The following GBP6 variants were observed in gnomAD, a reference collection of about 807,000 sequenced individuals.
The protein encoded by GBP6 is guanylate-binding protein 6.
GBP6 carries 54 observed loss-of-function variants against 61.5 expected under a neutral mutation model. The ratio of observed to expected loss-of-function variants is 0.88; its 90% CI spans 0.71 to 1.10. The LOEUF is 1.10. Among genes scored for constraint, GBP6 ranks in the 50% least tolerant of loss-of-function variants. The probability of loss-of-function intolerance (pLI) is 0.00; values close to 1 mark genes in which losing one functional copy is unlikely to be tolerated. For synonymous variants in GBP6, 255 were observed against 273.7 expected, an observed-to-expected ratio of 0.93 and a Z score of 0.67; for missense variants, 748 against 752.8, an observed-to-expected ratio of 0.99 and a Z score of 0.07.
At position 89,382,701 on chromosome 1, in the gene GBP6, A is replaced by G; in HGVS notation, c.1190A>G (p.Gln397Arg). 1 of 1,614,190 alleles carries G rather than the reference A, an allele frequency of 6.2e-7. No individual in the cohort carries two copies. The highest frequency in any genetic ancestry group is 8.5e-7 in the Non-Finnish European group (1 of 1,180,010). Residue 397 changes from glutamine to arginine, a missense_variant, in exon 8 of 11, where the codon CAG becomes CGG. Gln to Arg is a conservative substitution (Grantham distance 43). Transcript: ENST00000370456. ...TMNKKGDFLL[Q>R]NEESSVQYCQ... Reference sequence around the variant, plus strand: ...AATAAGAAGGGGGATTTCTTGCTGCAGAATGAAGAGTCATCTGTTCAATAC... The same window carrying G: ...AATAAGAAGGGGGATTTCTTGCTGCGGAATGAAGAGTCATCTGTTCAATAC...
chr1:89,373,499 G>T (rs914623141), intron 3 of GBP6, among the ~76,000 whole-genome samples: 3 of 152,270 alleles, frequency 2.0e-5, no homozygotes, highest in African/African-American at 7.2e-5. Context: ...AAAATGATGA[G>T]TTCATGTCCT....
At chr1:89,377,272 G>C (rs570238679) in intron 3 of GBP6, among the ~76,000 whole-genome samples, 5 of 152,220 alleles carry the variant, frequency 3.3e-5, no homozygotes, top group African/African-American at 1.2e-4. Flanking sequence ...CTTACCCTCT[G>C]CTCAGTCAGG....
chr1:89,382,265 CAT>C (rs977345027), intron 7 of GBP6, among the ~76,000 whole-genome samples: 2 of 152,188 alleles, frequency 1.3e-5, no homozygotes, highest in African/African-American at 2.4e-5. Context: ...TTTTTCTGTG[CAT>C]AGTTTACCTT....
At chr1:89,371,524 A>G (rs547128547) in intron 3 of GBP6, among the ~76,000 whole-genome samples, 3 of 152,336 alleles carry the variant, frequency 2.0e-5, no homozygotes, top group Admixed American at 2.0e-4. Context: ...CAAATCAATA[A>G]ACATAATCCA....
At chr1:89,377,397 C>T (rs894133289) in intron 3 of GBP6, among the ~76,000 whole-genome samples, 2 of 152,138 alleles carry the variant, frequency 1.3e-5, no homozygotes, top group Non-Finnish European at 2.9e-5. Context: ...CACATTCTAT[C>T]GATTTTTTAA....
chr1:89,376,524 A>T (rs369980410), intron 3 of GBP6, among the ~76,000 whole-genome samples: 15 of 152,286 alleles, frequency 9.8e-5, no homozygotes, highest in South Asian at 4.1e-4. Context: ...TTCGCTGTGG[A>T]TGTATACATT....
intron 3 of GBP6, among the ~76,000 whole-genome samples, chr1:89,374,029 T>C (rs72967254): frequency 6.6e-6 from 1 of 152,004 alleles, no homozygotes; most frequent in Non-Finnish European, 1.5e-5. Flanking sequence ...GCTGATCATT[T>C]TATAAGGGGA....
rs1183290100 is a variant in GBP6, at chr1:89,382,672, A to G, written c.1161A>G (p.Thr387=). The change falls in exon 8 of 11, where the codon ACA becomes ACG. Residue 387 remains threonine (T), a synonymous_variant. Coordinates refer to ENST00000370456, the MANE Select transcript of GBP6 (RefSeq NM_198460.3). The part of the protein sequence containing the change: ...QEFQKKFMET[T]MNKKGDFLLQ... ...CTACATTTCCCTTGCAGGAAACCAC[A>G]ATGAATAAGAAGGGGGATTTCTTGC... The G allele has an allele frequency of 1.9e-6, 3 of 1,613,902 alleles. No individual in the cohort carries two copies. The highest frequency in any genetic ancestry group is 2.5e-6 in the Non-Finnish European group (3 of 1,179,784).
intron 3 of GBP6, among the ~76,000 whole-genome samples, chr1:89,373,379 G>A (rs562366039): frequency 4.4e-4 from 67 of 152,162 alleles, no homozygotes; most frequent in Non-Finnish European, 5.9e-4. Flanking sequence ...TGTTTATTGC[G>A]GCACTATTCA....
At chr1:89,371,301 C>T (rs1014371428) in intron 3 of GBP6, among the ~76,000 whole-genome samples, 1 of 152,166 alleles carries the variant, frequency 6.6e-6, no homozygotes, top group Non-Finnish European at 1.5e-5. Flanking sequence ...TCCTCCCTAA[C>T]TCATTTTATG....
At position 89,368,678 on chromosome 1, in the gene GBP6, A is replaced by G. The variant is rs200358212; in HGVS notation, c.127A>G (p.Ile43Val). Residue 43 changes from isoleucine to valine, a missense_variant, in exon 2 of 11, where the codon ATT becomes GTT. By Grantham distance (29) the Ile-to-Val change is conservative (BLOSUM62 3). Transcript: ENST00000370456. Reference protein sequence around the residue: ...KISQPVVVVAIVGLYRTGKSY... With the variant: ...KISQPVVVVAVVGLYRTGKSY... ...TTCTCAGCCAGTGGTGGTGGTGGCC[A>G]TTGTAGGACTGTACCGTACAGGGAA... 8 of 1,614,180 alleles carry G rather than the reference A, an allele frequency of 5.0e-6. No homozygotes were observed. Among genetic ancestry groups the G allele is most frequent in the African/African-American group, 2.7e-5 (2 of 75,054 alleles).
chr1:89,374,203 T>C (rs1025085267), intron 3 of GBP6, among the ~76,000 whole-genome samples: 5 of 152,194 alleles, frequency 3.3e-5, no homozygotes, highest in Admixed American at 6.5e-5. Flanking sequence ...GTCTCGTGTA[T>C]GTCTTTATTG....
chr1:89,374,905 C>A (rs1652762779), intron 3 of GBP6, among the ~76,000 whole-genome samples: 1 of 151,868 alleles, frequency 6.6e-6, no homozygotes, highest in African/African-American at 2.4e-5. Context: ...ATTTTTCCTG[C>A]TTCTCTCCCT....
intron 1 of GBP6, among the ~76,000 whole-genome samples, chr1:89,367,693 G>C (rs962714779): frequency 6.6e-6 from 1 of 152,092 alleles, no homozygotes; most frequent in African/African-American, 2.4e-5. Context: ...CTTGTTTCCA[G>C]TGGTTTTGAT....
chr1:89,373,393 T>C (rs1265034640), intron 3 of GBP6, among the ~76,000 whole-genome samples: 2 of 152,174 alleles, frequency 1.3e-5, no homozygotes, highest in African/African-American at 4.8e-5. Flanking sequence ...CTATTCACAG[T>C]AGCAAAGACT....
At chr1:89,379,570 C>A (rs1485363548) in intron 5 of GBP6, among the ~76,000 whole-genome samples, 1 of 152,176 alleles carries the variant, frequency 6.6e-6, no homozygotes, top group African/African-American at 2.4e-5. Context: ...TCGGAATATT[C>A]ATTTTACTTT....
chr1:89,383,658 G>A lies in GBP6; in HGVS notation c.1372G>A (p.Glu458Lys). Residue 458 changes from glutamate to lysine, a missense_variant, in exon 9 of 11, where the codon GAG (glutamate) becomes AAG (lysine). Coordinates refer to ENST00000370456, the MANE Select transcript of GBP6 (RefSeq NM_198460.3). The stretch of plus-strand genomic sequence containing the variant: ...CTTTTTCTTCCTTCCATAGGCAAAA[G>A]AGGTCTTCCAGAGGTTCCTGGAGTC... ...QVPRKGVKAK[E>K]VFQRFLESQM... 1 of 1,605,060 alleles carries A rather than the reference G, an allele frequency of 6.2e-7. No individual in the cohort carries two copies. Among genetic ancestry groups the A allele is most frequent in the East Asian group, 2.2e-5 (1 of 44,826 alleles).
Position 89,387,763 on chromosome 1 carries a change from C to A in GBP6, c.*2294C>A, listed in dbSNP as rs1408328768. 2.0e-5 allele frequency among the ~76,000 whole-genome samples: 3 copies of A among 152,110 alleles called. No individual in the cohort carries two copies. Among genetic ancestry groups the A allele is most frequent in the African/African-American group, 7.2e-5 (3 of 41,428 alleles). ...GCCTGGCCAACATGGCGAAACCCTG[C>A]CTTTACTAAAAATACAAAAATTAAC... On this transcript the variant is annotated 3_prime_UTR_variant, in exon 11 of 11. Transcript: ENST00000370456.
chr1:89,385,725 G>A lies in GBP6; in HGVS notation c.*256G>A. 3.4e-6 allele frequency: 1 copy of A among 291,976 alleles called. No homozygotes were observed. The highest frequency in any genetic ancestry group is 6.4e-6 in the Non-Finnish European group (1 of 157,002). 18.1% of individuals were successfully genotyped at this position (291,976 alleles called of 1,614,324 possible). On this transcript the variant is annotated 3_prime_UTR_variant, in exon 11 of 11. Coordinates refer to ENST00000370456, the MANE Select transcript of GBP6 (RefSeq NM_198460.3). ...TTTTTGTATTTTTAGTAGAGATGGG[G>A]TTTCACTATGTTGGCCAGGCTGGTC...
Sources: gnomAD v4.1 joint callset for allele counts (sites outside exome capture counted in the v4.1 genomes callset) on GRCh38, gnomAD v4.1.1 for gene constraint, MANE v1.5 for transcripts, NCBI Gene and HGNC (gene_info 2026-07-23, HGNC 2026-07-21) for gene names.